RPRD1B: variants seen among roughly 807,000 people sequenced by gnomAD.
The protein encoded by RPRD1B is regulation of nuclear pre-mRNA domain containing 1B, also known as regulation of nuclear pre-mRNA domain-containing protein 1B.
In RPRD1B, 11 loss-of-function variants were observed where a neutral mutation model predicts 41.5. That is an observed-to-expected ratio of 0.27 (90% CI 0.17 to 0.44). RPRD1B has a LOEUF of 0.44. RPRD1B is among the 20% of genes least tolerant of loss of function. RPRD1B has a pLI of 1.00. For synonymous variants in RPRD1B, 158 were observed against 155.6 expected (o/e 1.02, Z -0.12); for missense variants, 248 against 389.9 (o/e 0.64, Z 3.06).
At chr20:38,038,029 C>T (rs138554261) in intron 1 of RPRD1B, among the ~76,000 whole-genome samples, 98 of 152,242 alleles carry the variant, frequency 6.4e-4, no homozygotes, top group Middle Eastern at 3.4e-3. Flanking sequence ...CAAAAAAGCA[C>T]GTTTTGCCAT....
intron 6 of RPRD1B, chr20:38,070,716 C>T: frequency 4.1e-6 from 4 of 982,044 alleles, no homozygotes; most frequent in Non-Finnish European, 4.8e-6. Flanking sequence ...CAGGAACCTG[C>T]AGTTTTCCCT....
At chr20:38,073,980 G>T (rs1025072838) in intron 6 of RPRD1B, among the ~76,000 whole-genome samples, 1 of 152,136 alleles carries the variant, frequency 6.6e-6, no homozygotes, top group African/African-American at 2.4e-5. Flanking sequence ...TCCTCCCTAG[G>T]CTGGCAGCTC....
intron 3 of RPRD1B, among the ~76,000 whole-genome samples, chr20:38,056,233 A>T (rs2074239374): frequency 1.3e-5 from 2 of 152,076 alleles, no homozygotes; most frequent in Non-Finnish European, 2.9e-5. Flanking sequence ...TCTACTAAAA[A>T]TACAAAAATT....
rs2074611475 is a variant in RPRD1B at position 38,091,502 on chromosome 20, GACAC to G, written c.*1628_*1631del. The G allele has an allele frequency of 1.0e-6, 1 of 985,264 alleles. No homozygotes were observed. Among genetic ancestry groups the G allele is most frequent in the Admixed American group, 6.2e-5 (1 of 16,256 alleles). The allele number at this position is 985,264 out of a possible 1,614,324, so 61.0% of individuals were successfully genotyped here. ...TCAGACTGTGTGTTGTTTGCTTATGGACACTGCCTGTCGTTCTGTCACTGTTAAA... is the reference window on the plus strand; with the variant it reads ...TCAGACTGTGTGTTGTTTGCTTATGGTGCCTGTCGTTCTGTCACTGTTAAA... On this transcript the variant is annotated 3_prime_UTR_variant, in exon 7 of 7. Coordinates refer to ENST00000373433, the MANE Select transcript of RPRD1B (RefSeq NM_021215.4).
chr20:38,042,712 C>G (rs2074079172), intron 2 of RPRD1B, among the ~76,000 whole-genome samples: 1 of 152,178 alleles, frequency 6.6e-6, no homozygotes, highest in Non-Finnish European at 1.5e-5. Context: ...TGCAGCTCGT[C>G]CACAGTAGGA....
chr20:38,053,780 A>G (rs1484728001), intron 3 of RPRD1B, among the ~76,000 whole-genome samples: 1 of 152,248 alleles, frequency 6.6e-6, no homozygotes, highest in Non-Finnish European at 1.5e-5. Flanking sequence ...AAAATAATAC[A>G]TATTTTAAAA....
intron 1 of RPRD1B, among the ~76,000 whole-genome samples, chr20:38,037,869 T>C (rs375844516): frequency 1.3e-5 from 2 of 152,122 alleles, no homozygotes; most frequent in Admixed American, 6.5e-5. Flanking sequence ...TTTTTTTTTT[T>C]CAACATAAAG....
Position 38,071,422 on chromosome 20 carries a change from A to G in RPRD1B, c.831+5166A>G, listed in dbSNP as rs185901913. Among the ~76,000 whole-genome samples, 4 of 152,342 alleles carry G rather than the reference A, an allele frequency of 2.6e-5. No homozygotes were observed. The East Asian group carries it at 7.7e-4, about 29-fold the overall frequency. On this transcript the variant is annotated intron_variant, in intron 6 of 6. Transcript: ENST00000373433. ...CACTAATCTGTTGTATGGATGTGACACAGTTTATAACCTGTCTATGGACAT... is the reference window on the plus strand; with the variant it reads ...CACTAATCTGTTGTATGGATGTGACGCAGTTTATAACCTGTCTATGGACAT...
intron 6 of RPRD1B, among the ~76,000 whole-genome samples, chr20:38,073,170 C>T (rs1362674531): frequency 2.0e-5 from 3 of 152,150 alleles, no homozygotes; most frequent in Admixed American, 2.0e-4. Context: ...TTAAACAGTT[C>T]CCAAGAATCT....
At chr20:38,066,355 G>A (rs370614403) in intron 6 of RPRD1B, 99 bp downstream of exon 6, 17 of 1,132,594 alleles carry the variant, frequency 1.5e-5, no homozygotes, top group Admixed American at 2.5e-5. Flanking sequence ...CATTTTTATC[G>A]TTTAAAAATT....
chr20:38,067,827 AAG>A (rs1195150603), intron 6 of RPRD1B, among the ~76,000 whole-genome samples: 2 of 152,202 alleles, frequency 1.3e-5, no homozygotes, highest in African/African-American at 2.4e-5. Context: ...CGGGACTAAT[AAG>A]AGAGTGTAAT....
At chr20:38,059,754 A>G (rs1411841856) in intron 5 of RPRD1B, among the ~76,000 whole-genome samples, 1 of 152,218 alleles carries the variant, frequency 6.6e-6, no homozygotes, top group Non-Finnish European at 1.5e-5. Context: ...GTGTGCCACA[A>G]CCTGTGGCTC....
At chr20:38,061,996 C>G (rs1429009006) in intron 5 of RPRD1B, among the ~76,000 whole-genome samples, 2 of 152,066 alleles carry the variant, frequency 1.3e-5, no homozygotes, top group African/African-American at 4.8e-5. Context: ...TAAGAGGGCC[C>G]AGTGTAATCA....
intron 2 of RPRD1B, among the ~76,000 whole-genome samples, chr20:38,043,043 A>G (rs1047037483): frequency 2.6e-5 from 4 of 152,206 alleles, no homozygotes; most frequent in African/African-American, 7.2e-5. Context: ...AGTGCCTTCT[A>G]TGTGCCAAGT....
chr20:38,060,108 C>T (rs368996638), intron 5 of RPRD1B, among the ~76,000 whole-genome samples: 3 of 152,128 alleles, frequency 2.0e-5, no homozygotes, highest in African/African-American at 4.8e-5. Context: ...GGCTTTGCAC[C>T]GGTACTTCTG....
At chr20:38,063,153 A>ATAGT (rs930796389) in intron 5 of RPRD1B, among the ~76,000 whole-genome samples, 4 of 151,954 alleles carry the variant, frequency 2.6e-5, no homozygotes, top group Admixed American at 2.6e-4. Context: ...TTCCTCCCAG[A>ATAGT]TAGTTACATA....
intron 4 of RPRD1B, among the ~76,000 whole-genome samples, 178 bp from the exon 5 acceptor site, chr20:38,059,216 T>C (rs969178131): frequency 6.6e-6 from 1 of 152,232 alleles, no homozygotes; most frequent in African/African-American, 2.4e-5. Context: ...ATTTTGTGGA[T>C]TTTCTTAGAG....
chr20:38,056,650 C>T (rs987130732), intron 3 of RPRD1B, among the ~76,000 whole-genome samples: 1 of 152,128 alleles, frequency 6.6e-6, no homozygotes, highest in Non-Finnish European at 1.5e-5. Flanking sequence ...TGGAGTCATA[C>T]CGTAAGTGTG....
chr20:38,077,629 C>T (rs1222785658), intron 6 of RPRD1B, among the ~76,000 whole-genome samples: 2 of 152,166 alleles, frequency 1.3e-5, no homozygotes, highest in African/African-American at 4.8e-5. Context: ...TTTGCTCCCT[C>T]TCAATTTTTC....
Sources: allele counts gnomAD v4.1 joint callset (sites outside exome capture counted in the v4.1 genomes callset), GRCh38; gene constraint gnomAD v4.1.1; transcripts MANE v1.5; gene names NCBI Gene and HGNC (gene_info 2026-07-23, HGNC 2026-07-21).